Variants in COL5A2 observed in about 807,000 individuals in gnomAD.
COL5A2 encodes collagen type V alpha 2 chain.
COL5A2 carries 23 observed loss-of-function variants against 208.2 expected under a neutral mutation model. That is an observed-to-expected ratio of 0.11 (90% CI 0.08 to 0.16). The LOEUF (loss-of-function observed/expected upper bound fraction) is 0.16. Ranked by LOEUF, COL5A2 falls within the 10% of genes least tolerant of loss-of-function variation. The pLI is 1.00. For missense variants in COL5A2, 1,590 were observed against 1,956.4 expected (o/e 0.81, Z 3.53); for synonymous variants, 625 against 628.5 (o/e 0.99, Z 0.08).
At chr2:189,366,608 C>T in the COL5A2 span, among the ~76,000 whole-genome samples, 4 of 152,234 alleles carry the variant, frequency 2.6e-5, no homozygotes, top group African/African-American at 9.6e-5. Context: ...CCCGCAGGTG[C>T]GTGCATGTGT....
chr2:189,421,307 C>T, the COL5A2 span, among the ~76,000 whole-genome samples: 4 of 152,174 alleles, frequency 2.6e-5, no homozygotes, highest in African/African-American at 9.7e-5. Flanking sequence ...GGACTCTCCA[C>T]ACAATCATCA....
the COL5A2 span, among the ~76,000 whole-genome samples, chr2:189,410,918 CT>C: frequency 3.3e-5 from 5 of 152,192 alleles, no homozygotes; most frequent in African/African-American, 1.2e-4. Context: ...TAATTATTAA[CT>C]TTAAATTAAA....
the COL5A2 span, among the ~76,000 whole-genome samples, chr2:189,417,565 C>T: frequency 1.3e-5 from 2 of 151,940 alleles, no homozygotes; most frequent in Non-Finnish European, 2.9e-5. Flanking sequence ...TTTAGTTATA[C>T]ATTAATTTGA....
the COL5A2 span, among the ~76,000 whole-genome samples, chr2:189,414,419 C>T: frequency 6.6e-6 from 1 of 152,144 alleles, no homozygotes; most frequent in East Asian, 1.9e-4. Context: ...TATTCTTGGA[C>T]AGCTTTCAAA....
intron 44 of COL5A2, 107 bp downstream of exon 44, chr2:189,049,240 C>G: frequency 1.2e-6 from 1 of 811,192 alleles, no homozygotes; most frequent in Non-Finnish European, 2.1e-6. Flanking sequence ...AAGAAACTTT[C>G]TTAAGGTCAA....
At chr2:189,367,402 A>C in the COL5A2 span, among the ~76,000 whole-genome samples, 65 of 152,334 alleles carry the variant, frequency 4.3e-4, no homozygotes, top group Non-Finnish European at 7.8e-4. Context: ...GCAAAATTCC[A>C]CATATTGACT....
the COL5A2 span, among the ~76,000 whole-genome samples, chr2:189,438,191 A>T: frequency 2.1e-5 from 3 of 140,538 alleles, no homozygotes; most frequent in East Asian, 6.0e-4. Flanking sequence ...TGGCTAAAAT[A>T]AAAAAAAAAA....
the COL5A2 span, among the ~76,000 whole-genome samples, chr2:189,374,983 G>A: frequency 6.6e-6 from 1 of 151,068 alleles, no homozygotes; most frequent in Non-Finnish European, 1.5e-5. Flanking sequence ...ATGTAAATCT[G>A]AACAAAATGT....
the COL5A2 span, among the ~76,000 whole-genome samples, chr2:189,293,679 A>C: frequency 6.6e-6 from 1 of 152,320 alleles, no homozygotes; most frequent in Middle Eastern, 3.4e-3. Context: ...AGGCAAAAAG[A>C]CAGTTGTCCA....
At chr2:189,409,046 T>C in the COL5A2 span, among the ~76,000 whole-genome samples, 1 of 152,144 alleles carries the variant, frequency 6.6e-6, no homozygotes, top group Non-Finnish European at 1.5e-5. Flanking sequence ...CTCCATGGCA[T>C]TTATCCTTCT....
In COL5A2 at chr2:189,085,782, A is replaced by G; in HGVS notation, c.691-10T>C. The G allele has an allele frequency of 2.5e-6, 4 of 1,608,792 alleles. No individual in the cohort carries two copies. Among genetic ancestry groups the G allele is most frequent in the Non-Finnish European group, 2.6e-6 (3 of 1,175,314 alleles). ...TAGGTCCTGCACCACCCTACAGTTG[A>G]AAACAAAGTATATATACAAACCAAG... is the stretch of plus-strand genomic sequence containing the variant. On this transcript the variant is annotated splice_polypyrimidine_tract_variant and intron_variant, in intron 9 of 53. Coordinates refer to ENST00000374866, the MANE Select transcript of COL5A2 (RefSeq NM_000393.5).
rs1215560539 is a variant in COL5A2, at chr2:189,035,028, T to C, written c.4241A>G (p.Asp1414Gly). 6.2e-6 allele frequency: 10 copies of C among 1,613,854 alleles called. No homozygotes were observed. Among genetic ancestry groups the C allele is most frequent in the African/African-American group, 1.3e-5 (1 of 74,910 alleles). Residue 1414 changes from aspartate to glycine, a missense_variant, in exon 53 of 54, where the codon GAT (aspartate) becomes GGT (glycine). Asp to Gly is a moderately conservative substitution (Grantham distance 94). Transcript: ENST00000374866. ...ICKNSVGYMD[D>G]QAKNLKKAVV... ...AGCTTTTTTGAGGTTCTTAGCTTGA[T>C]CGTCCATGTATCCTACACTGTTTTT...
chr2:189,410,037 C>T, the COL5A2 span, among the ~76,000 whole-genome samples: 18 of 152,084 alleles, frequency 1.2e-4, no homozygotes, highest in African/African-American at 4.3e-4. Flanking sequence ...TCGAGTCACA[C>T]TTTCAATCAG....
chr2:189,180,226 A>G (rs1688758705), upstream of COL5A2, among the ~76,000 whole-genome samples: 2 of 152,152 alleles, frequency 1.3e-5, no homozygotes, highest in South Asian at 4.1e-4. Context: ...TTTTGACTGA[A>G]TAGGGAGTAT....
the COL5A2 span, among the ~76,000 whole-genome samples, chr2:189,334,483 C>T: frequency 6.6e-6 from 1 of 151,858 alleles, no homozygotes. Context: ...AATATACTAC[C>T]ATTTACAATG....
chr2:189,141,953 A>G (rs903411551), intron 1 of COL5A2, among the ~76,000 whole-genome samples: 1 of 152,134 alleles, frequency 6.6e-6, no homozygotes, highest in African/African-American at 2.4e-5. Flanking sequence ...ATGGATAGTA[A>G]TTTTATAAAT....
chr2:189,404,104 G>A, the COL5A2 span, among the ~76,000 whole-genome samples: 63 of 152,298 alleles, frequency 4.1e-4, no homozygotes, highest in East Asian at 9.7e-3. Context: ...TCATTTAAAT[G>A]TAACATGATC....
At chr2:189,326,518 T>C in the COL5A2 span, among the ~76,000 whole-genome samples, 2 of 151,756 alleles carry the variant, frequency 1.3e-5, no homozygotes, top group Non-Finnish European at 2.9e-5. Context: ...TAGTGAGACC[T>C]TGTCTCTACA....
At chr2:189,115,366 G>A (rs981034903) in intron 1 of COL5A2, among the ~76,000 whole-genome samples, 3 of 151,502 alleles carry the variant, frequency 2.0e-5, no homozygotes, top group African/African-American at 7.3e-5. Context: ...TATATGGTAT[G>A]CCCTGCATCC....
Sources: gnomAD v4.1 joint callset for allele counts (sites outside exome capture counted in the v4.1 genomes callset) on GRCh38, gnomAD v4.1.1 for gene constraint, MANE v1.5 for transcripts, NCBI Gene and HGNC (gene_info 2026-07-23, HGNC 2026-07-21) for gene names.